ZBTB7C: variants seen among roughly 807,000 people sequenced by gnomAD.
The protein encoded by ZBTB7C is zinc finger and BTB domain containing 7C.
Under a neutral mutation model 25.7 loss-of-function variants are expected in ZBTB7C, and 8 were observed. That is an observed-to-expected ratio of 0.31 (90% CI 0.18 to 0.56). The LOEUF (loss-of-function observed/expected upper bound fraction) is 0.56. Ranked by LOEUF, ZBTB7C falls within the 20% of genes least tolerant of loss-of-function variation. ZBTB7C has a pLI of 0.91. For synonymous variants in ZBTB7C, 394 were observed against 369.0 expected (o/e 1.07, Z -0.78); for missense variants, 824 against 855.2 (o/e 0.96, Z 0.46).
intron 1 of ZBTB7C, among the ~76,000 whole-genome samples, chr18:48,372,703 C>T (rs948174859): frequency 2.0e-5 from 3 of 152,130 alleles, no homozygotes; most frequent in African/African-American, 7.2e-5. Flanking sequence ...ATGGTCTGCC[C>T]AGCCTCCCTC....
chr18:48,395,461 A>ATG (rs71165324), intron 1 of ZBTB7C, among the ~76,000 whole-genome samples: 8,381 of 83,402 alleles, frequency 0.1, 923 homozygotes, highest in South Asian at 0.12. Context: ...TTCTATTCAA[A>ATG]TGTGTGTGTG....
At chr18:48,232,037 C>A (rs535995057) in intron 2 of ZBTB7C, among the ~76,000 whole-genome samples, 45 of 152,354 alleles carry the variant, frequency 3.0e-4, no homozygotes, top group African/African-American at 1.0e-3. Context: ...CCACACCTGG[C>A]TCATCCTTGG....
At chr18:48,396,766 T>A (rs2048036376) in intron 1 of ZBTB7C, among the ~76,000 whole-genome samples, 1 of 152,222 alleles carries the variant, frequency 6.6e-6, no homozygotes, top group African/African-American at 2.4e-5. Flanking sequence ...TTGGCCCACA[T>A]CACACAGAGT....
chr18:48,384,062 G>C (rs1474102193), intron 1 of ZBTB7C, among the ~76,000 whole-genome samples: 6 of 152,232 alleles, frequency 3.9e-5, no homozygotes, highest in Non-Finnish European at 8.8e-5. Flanking sequence ...AACAAACGTG[G>C]AGCCAGTGGG....
rs1397704476 is a variant in ZBTB7C, at chr18:48,245,092, G to GTATATATATATA, written c.-78-59109_-78-59098dup. Among the ~76,000 whole-genome samples, 309 of 126,272 alleles carry GTATATATATATA rather than the reference G, an allele frequency of 2.4e-3. 1 individual carries two copies. Among genetic ancestry groups the GTATATATATATA allele is most frequent in the African/African-American group, 7.7e-3 (239 of 31,220 alleles). 82.8% of individuals were successfully genotyped at this position (126,272 alleles called of 152,430 possible). On this transcript the variant is annotated intron_variant, in intron 2 of 4. Coordinates refer to ENST00000590800, the MANE Select transcript of ZBTB7C (RefSeq NM_001318841.2). ...GGAAAAAAAAGTAGTGTGTGTGTGT[G>GTATATATATATA]TATATATATATACACACACACACAC... is the stretch of plus-strand genomic sequence containing the variant.
rs142711956 is a variant in ZBTB7C, at chr18:48,273,416, T to C, written c.-79+64758A>G. Among the ~76,000 whole-genome samples, 617 of 152,206 alleles carry C rather than the reference T, an allele frequency of 4.1e-3. 2 individuals carry two copies. The highest frequency in any genetic ancestry group is 0.024 in the Middle Eastern group (7 of 294). On this transcript the variant is annotated intron_variant, in intron 2 of 4. Coordinates refer to ENST00000590800, the MANE Select transcript of ZBTB7C (RefSeq NM_001318841.2). ...CATAGATAAACATAAACTTGGTATA[T>C]GGAAAACTTGGCATTATAAATCAGT...
intron 2 of ZBTB7C, among the ~76,000 whole-genome samples, chr18:48,289,245 C>G (rs80008447): frequency 0.054 from 8,175 of 152,188 alleles, 261 homozygotes; most frequent in Non-Finnish European, 0.073. Flanking sequence ...CTAGCAAATT[C>G]ACTTTTAGGC....
At chr18:48,318,134 G>T (rs1430272251) in intron 2 of ZBTB7C, among the ~76,000 whole-genome samples, 2 of 151,988 alleles carry the variant, frequency 1.3e-5, no homozygotes, top group Non-Finnish European at 2.9e-5. Context: ...ACCCATGGAG[G>T]CCTAGCTGTT....
chr18:48,227,109 C>T (rs1252598081), intron 2 of ZBTB7C, among the ~76,000 whole-genome samples: 1 of 152,094 alleles, frequency 6.6e-6, no homozygotes, highest in Non-Finnish European at 1.5e-5. Flanking sequence ...GCAGCCTCTC[C>T]TACCAACCTG....
rs535917500 is a variant in ZBTB7C at position 48,322,501 on chromosome 18, C to T, written c.-79+15673G>A. ...TCAGCACTTCTGAGAGACAGCTCAG[C>T]GGGTGGCCAGTTCAGAAAACCAAGC... On this transcript the variant is annotated intron_variant, in intron 2 of 4. Coordinates refer to ENST00000590800, the MANE Select transcript of ZBTB7C (RefSeq NM_001318841.2). Among the ~76,000 whole-genome samples, 15 of 152,324 alleles carry T rather than the reference C, an allele frequency of 9.8e-5. No homozygotes were observed. In the South Asian group the frequency reaches 2.1e-3, roughly 21 times the overall value.
At chr18:48,209,076 T>C (rs868372595) in intron 2 of ZBTB7C, among the ~76,000 whole-genome samples, 1 of 152,222 alleles carries the variant, frequency 6.6e-6, no homozygotes, top group African/African-American at 2.4e-5. Flanking sequence ...CCTGGATATA[T>C]TTATAGAGAA....
At chr18:48,114,803 G>T (rs2039372239) in intron 3 of ZBTB7C, among the ~76,000 whole-genome samples, 1 of 152,172 alleles carries the variant, frequency 6.6e-6, no homozygotes, top group African/African-American at 2.4e-5. Flanking sequence ...ACCTAGCATT[G>T]AGGTAGAAAA....
intron 3 of ZBTB7C, among the ~76,000 whole-genome samples, chr18:48,123,507 C>G (rs1449771667): frequency 6.6e-6 from 1 of 152,248 alleles, no homozygotes; most frequent in Non-Finnish European, 1.5e-5. Flanking sequence ...CCTTTCAGCC[C>G]CAGAGGTCCC....
chr18:48,065,040 G>C (rs2037272587), intron 3 of ZBTB7C, among the ~76,000 whole-genome samples: 1 of 152,214 alleles, frequency 6.6e-6, no homozygotes, highest in South Asian at 2.1e-4. Flanking sequence ...GAGAGGCCCT[G>C]TGGGGAGAGT....
rs760300824 is a variant in ZBTB7C, at chr18:48,040,569, G to A, written c.539C>T (p.Pro180Leu). The change falls in exon 4 of 5, where the codon CCC becomes CTC. Residue 180 changes from proline to leucine, a missense_variant. Coordinates refer to ENST00000590800, the MANE Select transcript of ZBTB7C (RefSeq NM_001318841.2). ...DFADQENLPD[P>L]QDISCHQSPS... The stretch of plus-strand genomic sequence containing the variant: ...GCTTTGGTGGCAGCTGATGTCCTGG[G>A]GGTCAGGCAAGTTTTCTTGGTCAGC... 41 of 1,613,896 alleles carry A rather than the reference G, an allele frequency of 2.5e-5. No homozygotes were observed. The highest frequency in any genetic ancestry group is 1.3e-4 in the Admixed American group (8 of 59,990).
intron 4 of ZBTB7C, 78 bp downstream of exon 4, chr18:48,039,822 G>A (rs911368781): frequency 1.4e-5 from 21 of 1,490,634 alleles, no homozygotes; most frequent in South Asian, 1.0e-4. Flanking sequence ...TGTCTCCACC[G>A]CCAGCCTCCC....
Position 48,083,664 on chromosome 18 carries a change from C to T in ZBTB7C, c.-16-42541G>A, listed in dbSNP as rs1371091143. Among the ~76,000 whole-genome samples, 3 of 152,064 alleles carry T rather than the reference C, an allele frequency of 2.0e-5. No individual in the cohort carries two copies. In the East Asian group the frequency reaches 5.8e-4, roughly 29 times the overall value. ...CTAATCACTGAATGCTTCTCTGTAA[C>T]GGAATTTGTCATAATGGGGCTTTAC... On this transcript the variant is annotated intron_variant, in intron 3 of 4. Transcript: ENST00000590800.
intron 3 of ZBTB7C, among the ~76,000 whole-genome samples, chr18:48,121,213 AGAG>A (rs2039618095): frequency 6.6e-6 from 1 of 152,186 alleles, no homozygotes; most frequent in Non-Finnish European, 1.5e-5. Context: ...TAGGGGAGGA[AGAG>A]GAGGTGGAAT....
intron 2 of ZBTB7C, among the ~76,000 whole-genome samples, chr18:48,200,650 GTATTGAGAGC>G (rs1323431575): frequency 6.6e-6 from 1 of 152,168 alleles, no homozygotes; most frequent in Non-Finnish European, 1.5e-5. Context: ...ATGGGTCCTT[GTATTGAGAGC>G]TACCTCAGAT....
Sources: allele counts gnomAD v4.1 joint callset (sites outside exome capture counted in the v4.1 genomes callset), GRCh38; gene constraint gnomAD v4.1.1; transcripts MANE v1.5; gene names NCBI Gene and HGNC (gene_info 2026-07-23, HGNC 2026-07-21).